Variants in SLC19A3 observed in about 807,000 individuals in gnomAD.
The protein encoded by SLC19A3 is thiamine transporter 2.
Under a neutral mutation model 40.2 loss-of-function variants are expected in SLC19A3, and 31 were observed. That is an observed-to-expected ratio of 0.77 (90% CI 0.58 to 1.04). The LOEUF is 1.04. Among genes scored for constraint, SLC19A3 ranks in the 50% least tolerant of loss-of-function variants. SLC19A3 has a pLI of 0.00. For missense variants in SLC19A3, 592 were observed against 596.7 expected, an observed-to-expected ratio of 0.99 and a Z score of 0.08; for synonymous variants, 212 against 227.5, an observed-to-expected ratio of 0.93 and a Z score of 0.61.
chr2:227,717,727 C>A (rs1374385910), intron 1 of SLC19A3, among the ~76,000 whole-genome samples: 3 of 152,198 alleles, frequency 2.0e-5, no homozygotes, highest in Non-Finnish European at 2.9e-5. Context: ...CAGAAGGCTG[C>A]AAATGGGAAT....
At chr2:227,715,511 C>T (rs149209382) in intron 1 of SLC19A3, among the ~76,000 whole-genome samples, 242 of 152,286 alleles carry the variant, frequency 1.6e-3, no homozygotes, top group African/African-American at 5.7e-3. Flanking sequence ...CAGGTGTGAG[C>T]CACCGCACCC....
At chr2:227,706,220 T>C in intron 1 of SLC19A3, 2 of 770,728 alleles carry the variant, frequency 2.6e-6, no homozygotes, top group Non-Finnish European at 3.5e-6. Flanking sequence ...GATCCCGTCA[T>C]ATTATCCGCC....
chr2:227,702,261 A>C lies in SLC19A3; in HGVS notation c.58T>G (p.Cys20Gly). ...ATCATGGAGAAAAAACCAAATAAGC[A>C]GAGGATCACAGTGGGGTAAATCCAG... ...SSWIYPTVIL[C>G]LFGFFSMMRP... The change falls in exon 2 of 6, where the codon TGC (cysteine) becomes GGC (glycine). Residue 20 changes from cysteine (C) to glycine (G), a missense_variant. Physicochemically the swap from Cys to Gly is radical, Grantham distance 159 (BLOSUM62 -3). Coordinates refer to ENST00000644224, the MANE Select transcript of SLC19A3 (RefSeq NM_025243.4). 6.2e-7 allele frequency: 1 copy of C among 1,614,072 alleles called. No individual in the cohort carries two copies. The highest frequency in any genetic ancestry group is 1.1e-5 in the South Asian group (1 of 91,084).
chr2:227,716,991 T>A (rs1696354740), intron 1 of SLC19A3, among the ~76,000 whole-genome samples: 1 of 125,456 alleles, frequency 8.0e-6, no homozygotes. Flanking sequence ...CACATGAGAG[T>A]GCTTTTTTTT....
chr2:227,699,679 T>C, intron 2 of SLC19A3, 115 bp from the exon 3 acceptor site: 1 of 901,972 alleles, frequency 1.1e-6, no homozygotes, highest in Non-Finnish European at 1.8e-6. Flanking sequence ...CGGAGAAACA[T>C]AATGAGAAAA....
chr2:227,693,290 C>A (rs13012087), intron 4 of SLC19A3, among the ~76,000 whole-genome samples: 53,834 of 151,596 alleles, frequency 0.36, 10,411 homozygotes, highest in Non-Finnish European at 0.44. Context: ...ACAACAACAA[C>A]AAAAAACTGG....
intron 1 of SLC19A3, among the ~76,000 whole-genome samples, chr2:227,712,900 T>G (rs1696190556): frequency 6.7e-6 from 1 of 150,244 alleles, no homozygotes; most frequent in African/African-American, 2.4e-5. Flanking sequence ...GGTGGTTGCC[T>G]GGGGTGGGAG....
chr2:227,709,981 C>T (rs542783946), intron 1 of SLC19A3, among the ~76,000 whole-genome samples: 2 of 152,234 alleles, frequency 1.3e-5, no homozygotes, highest in East Asian at 1.9e-4. Flanking sequence ...ACTGTTCCAT[C>T]TCAGATCATC....
At chr2:227,705,578 T>C (rs113723554) in intron 1 of SLC19A3, among the ~76,000 whole-genome samples, 6,144 of 152,262 alleles carry the variant, frequency 0.04, 412 homozygotes, top group African/African-American at 0.14. Context: ...CCACACTGTC[T>C]TCCACAATGG....
chr2:227,701,195 G>A (rs966260853), intron 2 of SLC19A3: 3 of 887,208 alleles, frequency 3.4e-6, no homozygotes, highest in Admixed American at 3.4e-5. Flanking sequence ...CTCACCACCC[G>A]AGGCACCCAT....
intron 4 of SLC19A3, among the ~76,000 whole-genome samples, chr2:227,694,345 C>T (rs1049156512): frequency 2.6e-5 from 4 of 151,848 alleles, no homozygotes; most frequent in South Asian, 2.1e-4. Flanking sequence ...TGATATAATC[C>T]TACTTTAACA....
chr2:227,701,766 A>T (rs1359571309), intron 2 of SLC19A3: 1 of 163,364 alleles, frequency 6.1e-6, no homozygotes, highest in Non-Finnish European at 1.3e-5. Flanking sequence ...GCTGGCAAAC[A>T]GTGTCATAAA....
chr2:227,716,860 A>G (rs1417610180), intron 1 of SLC19A3, among the ~76,000 whole-genome samples: 8 of 152,128 alleles, frequency 5.3e-5, no homozygotes, highest in Non-Finnish European at 1.0e-4. Context: ...AGCTACTACT[A>G]GGATAATCTT....
intron 1 of SLC19A3, among the ~76,000 whole-genome samples, chr2:227,714,977 G>A (rs35716605): frequency 4.0e-5 from 6 of 151,518 alleles, no homozygotes; most frequent in Non-Finnish European, 8.8e-5. Context: ...CCGCCACCAG[G>A]CCTGGCTAAT....
At chr2:227,711,437 T>A (rs1474357560) in intron 1 of SLC19A3, among the ~76,000 whole-genome samples, 3 of 149,780 alleles carry the variant, frequency 2.0e-5, no homozygotes, top group Non-Finnish European at 3.0e-5. Flanking sequence ...TAAAATAAAA[T>A]AAAATAAAAT....
At chr2:227,716,618 A>G (rs889905964) in intron 1 of SLC19A3, among the ~76,000 whole-genome samples, 1 of 152,204 alleles carries the variant, frequency 6.6e-6, no homozygotes, top group South Asian at 2.1e-4. Flanking sequence ...GCTCCCTAGC[A>G]GAAGCCCATC....
intron 4 of SLC19A3, among the ~76,000 whole-genome samples, chr2:227,691,845 A>G (rs948983353): frequency 2.6e-5 from 4 of 152,168 alleles, no homozygotes; most frequent in Non-Finnish European, 5.9e-5. Flanking sequence ...AGACTAAGAA[A>G]AAGAGAGAAG....
At chr2:227,698,154 C>CTTTTTA (rs955675291) in intron 3 of SLC19A3, among the ~76,000 whole-genome samples, 1 of 151,976 alleles carries the variant, frequency 6.6e-6, no homozygotes, top group Admixed American at 6.6e-5. Flanking sequence ...GACTTTCATT[C>CTTTTTA]TTTTTATTTT....
chr2:227,717,964 C>G lies in SLC19A3; in HGVS notation c.-24G>C. On this transcript the variant is annotated 5_prime_UTR_variant, in exon 1 of 6. Transcript: ENST00000644224. ...TTACCTACAGAAGGGAGTGTCTGTT[C>G]ACCAAATCGCTCACTTGCCGCACGA... 1.0e-6 allele frequency: 1 copy of G among 985,432 alleles called. No individual in the cohort carries two copies. The highest frequency in any genetic ancestry group is 1.2e-6 in the Non-Finnish European group (1 of 829,952). 61.0% of individuals were successfully genotyped at this position (985,432 alleles called of 1,614,324 possible). A position where few individuals can be genotyped will look rare whatever the true frequency, so the allele number is the denominator to read the frequency against.
Sources: allele counts gnomAD v4.1 joint callset (sites outside exome capture counted in the v4.1 genomes callset), GRCh38; gene constraint gnomAD v4.1.1; transcripts MANE v1.5; gene names NCBI Gene and HGNC (gene_info 2026-07-23, HGNC 2026-07-21).